The following OTOG variants were observed in gnomAD, a reference collection of about 807,000 sequenced individuals.
The protein encoded by OTOG is otogelin.
In OTOG, 296 loss-of-function variants were observed where a neutral mutation model predicts 313.8. The ratio of observed to expected loss-of-function variants is 0.94; its 90% CI spans 0.86 to 1.04. The LOEUF (loss-of-function observed/expected upper bound fraction) is 1.04. Ranked by LOEUF, OTOG falls within the 50% of genes least tolerant of loss-of-function variation. The pLI is 0.00. For missense variants in OTOG, 3,948 were observed against 3,840.1 expected (o/e 1.03, Z -0.74); for synonymous variants, 1,533 against 1,554.9 (o/e 0.99, Z 0.33).
chr11:17,631,456 A>G (rs1220307464), intron 40 of OTOG, among the ~76,000 whole-genome samples: 1 of 151,758 alleles, frequency 6.6e-6, no homozygotes, highest in African/African-American at 2.4e-5. Flanking sequence ...TTTCGGAACC[A>G]TTAGAAAATA....
At chr11:17,629,083 GATGA>G (rs1854052159) in intron 39 of OTOG, 46 bp from the exon 40 acceptor site, 3 of 1,470,138 alleles carry the variant, frequency 2.0e-6, no homozygotes, top group Admixed American at 2.0e-5. Context: ...TGGATGGATG[GATGA>G]ATGAATGGAT....
In OTOG at chr11:17,558,607, C is replaced by T; in HGVS notation, c.1066C>T (p.Leu356=). Reference sequence around the variant, plus strand: ...CGCCTGCCACGCCTACGTCAGCCCTCTGCCCTTCACAGCCAGTTGTACCAG... The same window carrying T: ...CGCCTGCCACGCCTACGTCAGCCCTTTGCCCTTCACAGCCAGTTGTACCAG... ...FDACHAYVSP[L]PFTASCTSDL... Residue 356 remains leucine, a synonymous_variant, in exon 10 of 56, where the codon CTG becomes TTG. Coordinates refer to ENST00000399397, the MANE Select transcript of OTOG (RefSeq NM_001292063.2). 2 of 1,550,410 alleles carry T rather than the reference C, an allele frequency of 1.3e-6. No homozygotes were observed. The highest frequency in any genetic ancestry group is 1.7e-6 in the Non-Finnish European group (2 of 1,147,000).
At position 17,591,451 on chromosome 11, in the gene OTOG, G is replaced by A. The variant is rs1192041824; in HGVS notation, c.2869G>A (p.Val957Met). Residue 957 changes from valine to methionine, a missense_variant and splice_region_variant, in exon 25 of 56, where the codon GTG (valine) becomes ATG (methionine). Transcript: ENST00000399397. Reference sequence around the variant, plus strand: ...CTGGTCTGGGCATGTGTTTTTCAGTGTGTGCCAGCGGGGCTCATTCCAGTG... The same window carrying A: ...CTGGTCTGGGCATGTGTTTTTCAGTATGTGCCAGCGGGGCTCATTCCAGTG... Reference protein sequence around the residue: ...DQVMSPCHTCVCQRGSFQCTL... With the variant: ...DQVMSPCHTCMCQRGSFQCTL... 9 of 1,550,616 alleles carry A rather than the reference G, an allele frequency of 5.8e-6. No homozygotes were observed. Among genetic ancestry groups the A allele is most frequent in the African/African-American group, 1.4e-5 (1 of 73,062 alleles).
intron 6 of OTOG, 163 bp from the exon 7 acceptor site, chr11:17,555,616 G>A (rs936015055): frequency 3.5e-6 from 2 of 575,444 alleles, no homozygotes; most frequent in Non-Finnish European, 6.2e-6. Context: ...TGAATCCATT[G>A]CCTCCCCTCT....
At chr11:17,563,218 C>T (rs1484033459) in intron 15 of OTOG, among the ~76,000 whole-genome samples, 4 of 152,216 alleles carry the variant, frequency 2.6e-5, no homozygotes, top group African/African-American at 7.2e-5. Flanking sequence ...TGATCATGCT[C>T]AGCCAACCCT....
chr11:17,593,143 AG>A, intron 25 of OTOG, 49 bp from the exon 26 acceptor site: 1 of 1,511,666 alleles, frequency 6.6e-7, no homozygotes, highest in South Asian at 1.2e-5. Flanking sequence ...ACCTCTTGGC[AG>A]GATCTCCTTT....
At position 17,646,022 on chromosome 11, in the gene OTOG, G is replaced by C. The variant is rs1468845783; in HGVS notation, c.*78G>C. On this transcript the variant is annotated 3_prime_UTR_variant, in exon 56 of 56. Coordinates refer to ENST00000399397, the MANE Select transcript of OTOG (RefSeq NM_001292063.2). Reference sequence around the variant, plus strand: ...TCCAGCTGGCCCAATGTGAATGGGGGTATTAAAGGTGGTAGAAATCTGGCA... The same window carrying C: ...TCCAGCTGGCCCAATGTGAATGGGGCTATTAAAGGTGGTAGAAATCTGGCA... 7.2e-7 allele frequency: 1 copy of C among 1,380,022 alleles called. No individual in the cohort carries two copies. The highest frequency in any genetic ancestry group is 9.9e-7 in the Non-Finnish European group (1 of 1,007,386). The allele number at this position is 1,380,022 out of a possible 1,614,324, so 85.5% of individuals were successfully genotyped here. A position where few individuals can be genotyped will look rare whatever the true frequency, so the allele number is the denominator to read the frequency against.
chr11:17,605,780 G>A, intron 32 of OTOG, 77 bp from the exon 33 acceptor site: 1 of 1,443,232 alleles, frequency 6.9e-7, no homozygotes, highest in Non-Finnish European at 9.3e-7. Flanking sequence ...TGAGAGAGCA[G>A]ATGTGTGCCA....
intron 39 of OTOG, among the ~76,000 whole-genome samples, chr11:17,614,833 A>T (rs2134101443): frequency 6.6e-6 from 1 of 152,376 alleles, no homozygotes; most frequent in South Asian, 2.1e-4. Context: ...GTACAATAAC[A>T]AATAAAGTGG....
chr11:17,625,360 A>G (rs1257172387), intron 39 of OTOG, among the ~76,000 whole-genome samples: 2 of 152,196 alleles, frequency 1.3e-5, no homozygotes, highest in Non-Finnish European at 2.9e-5. Context: ...AGTTTTAAAT[A>G]TGAAGCGGTG....
chr11:17,609,027 A>G (rs1389457560), intron 34 of OTOG, 103 bp from the exon 35 acceptor site: 3 of 886,664 alleles, frequency 3.4e-6, no homozygotes, highest in Non-Finnish European at 3.6e-6. Context: ...GTGTGCACGC[A>G]CATGTGTCAT....
intron 32 of OTOG, among the ~76,000 whole-genome samples, chr11:17,604,068 T>C (rs967491715): frequency 6.6e-6 from 1 of 152,166 alleles, no homozygotes; most frequent in Non-Finnish European, 1.5e-5. Flanking sequence ...CCCAGAGAGA[T>C]TAAGTGATTT....
intron 31 of OTOG, among the ~76,000 whole-genome samples, chr11:17,601,216 G>A (rs1853240935): frequency 6.6e-6 from 1 of 152,170 alleles, no homozygotes; most frequent in Non-Finnish European, 1.5e-5. Context: ...AGCTGTAACT[G>A]GTGTGTGCCA....
At chr11:17,573,363 A>G in intron 19 of OTOG, 73 bp downstream of exon 19, 1 of 1,420,052 alleles carries the variant, frequency 7.0e-7, no homozygotes, top group Non-Finnish European at 9.3e-7. Flanking sequence ...CTGCCCCTGA[A>G]AGTCTCCACT....
intron 3 of OTOG, among the ~76,000 whole-genome samples, chr11:17,551,296 T>G (rs1851926155): frequency 6.6e-6 from 1 of 152,174 alleles, no homozygotes; most frequent in African/African-American, 2.4e-5. Context: ...AGTCCTGTGG[T>G]GACTGAACAC....
At position 17,609,666 on chromosome 11, in the gene OTOG, G is replaced by T. The variant is rs1255020313; in HGVS notation, c.4366G>T (p.Ala1456Ser). Reference protein sequence around the residue: ...CVYLEDCVEPAVWVPTEALGN... With the variant: ...CVYLEDCVEPSVWVPTEALGN... ...TTTTGTCTCCGCAGGTGTGGAGCCA[G>T]CAGTTTGGGTTCCCACAGAGGCCCT... The change falls in exon 36 of 56, where the codon GCA (alanine) becomes TCA (serine). Residue 1456 changes from alanine to serine, a missense_variant. Transcript: ENST00000399397. The T allele has an allele frequency of 2.7e-6, 4 of 1,490,598 alleles. No individual in the cohort carries two copies. The Admixed American group carries it at 9.3e-5, about 35-fold the overall frequency. The allele number at this position is 1,490,598 out of a possible 1,614,324, so 92.3% of individuals were successfully genotyped here.
intron 39 of OTOG, among the ~76,000 whole-genome samples, chr11:17,615,363 A>G (rs1436823658): frequency 1.3e-5 from 2 of 152,114 alleles, no homozygotes; most frequent in African/African-American, 4.8e-5. Flanking sequence ...GATGGTGTCC[A>G]GTTTATCAGT....
chr11:17,568,834 G>A (rs1009990607), intron 15 of OTOG, among the ~76,000 whole-genome samples: 3 of 152,190 alleles, frequency 2.0e-5, no homozygotes, highest in Non-Finnish European at 2.9e-5. Flanking sequence ...TGAGGTGGGG[G>A]AGGCCAGTGT....
At chr11:17,548,974 C>T (rs967441145) in intron 3 of OTOG, among the ~76,000 whole-genome samples, 1 of 152,134 alleles carries the variant, frequency 6.6e-6, no homozygotes, top group Admixed American at 6.5e-5. Context: ...CTGTGTCAGC[C>T]TCCCAAAGTG....
Sources: allele counts gnomAD v4.1 joint callset (sites outside exome capture counted in the v4.1 genomes callset), GRCh38; gene constraint gnomAD v4.1.1; transcripts MANE v1.5; gene names NCBI Gene and HGNC (gene_info 2026-07-23, HGNC 2026-07-21).